Variants in GRB2 observed in about 807,000 individuals in gnomAD.
The protein encoded by GRB2 is growth factor receptor bound protein 2, also known as growth factor receptor-bound protein 2.
GRB2 carries 2 observed loss-of-function variants against 27.4 expected under a neutral mutation model. That is an observed-to-expected ratio of 0.07 (90% confidence interval 0.03 to 0.23). The LOEUF (loss-of-function observed/expected upper bound fraction) is 0.23, where lower values mean the gene tolerates loss of function less well. GRB2 is among the 10% of genes least tolerant of loss of function. The pLI, the probability that GRB2 is intolerant of heterozygous loss-of-function variation, is 1.00. For missense variants in GRB2, 102 were observed against 282.4 expected (o/e 0.36, Z 4.58); for synonymous variants, 94 against 99.6 (o/e 0.94, Z 0.33).
rs891960870 is a variant in GRB2, at chr17:75,320,870, G to T, written c.469-317C>A. 1.3e-5 allele frequency among the ~76,000 whole-genome samples: 2 copies of T among 152,168 alleles called. No individual in the cohort carries two copies. Among genetic ancestry groups the T allele is most frequent in the Non-Finnish European group, 2.9e-5 (2 of 68,038 alleles). On this transcript the variant is annotated intron_variant, in intron 5 of 5. Transcript: ENST00000316804. This position sits in a 1 kb window ranked among gnomAD's most constrained non-coding sequence, Gnocchi z 4.3. ...GAAAGTTCTTCAGAAACAGCCATCT[G>T]TGTTTAGGCCGTGGGCCCAGAATCG...
At chr17:75,352,060 T>G (rs1294513996) in intron 2 of GRB2, among the ~76,000 whole-genome samples, 1 of 152,236 alleles carries the variant, frequency 6.6e-6, no homozygotes, top group Non-Finnish European at 1.5e-5. Flanking sequence ...AATATAACTA[T>G]TGTTAACAGG....
intron 3 of GRB2, among the ~76,000 whole-genome samples, chr17:75,331,474 G>A (rs978591104): frequency 2.6e-5 from 4 of 152,130 alleles, no homozygotes; most frequent in South Asian, 2.1e-4. Context: ...TGTGTCACCC[G>A]AAACACTGAA....
chr17:75,344,120 G>A lies in GRB2; in HGVS notation c.79-11323C>T, dbSNP rs541668968. Among the ~76,000 whole-genome samples, 5 of 152,224 alleles carry A rather than the reference G, an allele frequency of 3.3e-5. No individual in the cohort carries two copies. The South Asian group carries it at 1.0e-3, about 32-fold the overall frequency. The stretch of plus-strand genomic sequence containing the variant: ...AAACATCTGACTTCCAAACACCAAA[G>A]ACGATGACTTAACTCCAGGTTAGGG... On this transcript the variant is annotated intron_variant, in intron 2 of 5. Transcript: ENST00000316804.
At chr17:75,382,833 T>C (rs1598250075) in intron 2 of GRB2, among the ~76,000 whole-genome samples, 1 of 152,102 alleles carries the variant, frequency 6.6e-6, no homozygotes, top group Non-Finnish European at 1.5e-5. Context: ...CTCAGCCTCC[T>C]GAGTAGCTGG....
At chr17:75,338,928 T>C in intron 2 of GRB2, 1 of 1,007,260 alleles carries the variant, frequency 9.9e-7, no homozygotes, top group Non-Finnish European at 1.6e-6. Flanking sequence ...ATTCTCTGTA[T>C]GCCCAGGGAA....
chr17:75,370,453 A>T (rs1446510675), intron 2 of GRB2, among the ~76,000 whole-genome samples: 1 of 152,222 alleles, frequency 6.6e-6, no homozygotes, highest in Non-Finnish European at 1.5e-5. Context: ...AGGCTGGTAC[A>T]GCTATGTTTG....
At chr17:75,337,549 A>C (rs1307129871) in intron 2 of GRB2, among the ~76,000 whole-genome samples, 1 of 149,602 alleles carries the variant, frequency 6.7e-6, no homozygotes, top group African/African-American at 2.4e-5. Context: ...TTCACAAATA[A>C]TTTTTATTTT....
At chr17:75,396,340 T>G (rs1051118674) in intron 1 of GRB2, among the ~76,000 whole-genome samples, 2 of 152,064 alleles carry the variant, frequency 1.3e-5, no homozygotes, top group African/African-American at 4.8e-5. Flanking sequence ...TCTCCTTGGC[T>G]CAAGTAATCC....
At chr17:75,400,811 C>A (rs1047027766) in intron 1 of GRB2, among the ~76,000 whole-genome samples, 2 of 152,132 alleles carry the variant, frequency 1.3e-5, no homozygotes, top group Non-Finnish European at 2.9e-5. Flanking sequence ...CTGACCAATA[C>A]ATACTCTTGA....
chr17:75,382,899 G>A (rs1197993494), intron 2 of GRB2, among the ~76,000 whole-genome samples: 2 of 152,010 alleles, frequency 1.3e-5, no homozygotes, highest in African/African-American at 4.8e-5. Context: ...TAGTAGAGAC[G>A]GGGTTATCAC....
chr17:75,384,700 T>A (rs1242974358), intron 2 of GRB2, among the ~76,000 whole-genome samples: 1 of 151,736 alleles, frequency 6.6e-6, no homozygotes, highest in Non-Finnish European at 1.5e-5. Context: ...ATAAAATAAA[T>A]AATAAAACTG....
At chr17:75,392,456 G>C (rs575588621) in intron 2 of GRB2, among the ~76,000 whole-genome samples, 1 of 152,102 alleles carries the variant, frequency 6.6e-6, no homozygotes, top group South Asian at 2.1e-4. Context: ...TGGGCAATGA[G>C]GGCAAAATAA....
At chr17:75,374,463 C>T (rs1468596917) in intron 2 of GRB2, among the ~76,000 whole-genome samples, 1 of 150,346 alleles carries the variant, frequency 6.7e-6, no homozygotes, top group Non-Finnish European at 1.5e-5. Flanking sequence ...GGCACAGTAG[C>T]TGACACCTGT....
chr17:75,320,583 T>C lies in GRB2; in HGVS notation c.469-30A>G, dbSNP rs929840950. The C allele has an allele frequency of 3.8e-6, 6 of 1,589,384 alleles. No homozygotes were observed. In the African/African-American group the frequency reaches 8.1e-5, roughly 21 times the overall value. On this transcript the variant is annotated intron_variant, in intron 5 of 5. Coordinates refer to ENST00000316804, the MANE Select transcript of GRB2 (RefSeq NM_002086.5). The surrounding 1 kb of genome is among the most constrained non-coding windows in gnomAD (Gnocchi z 4.3). Reference sequence around the variant, plus strand: ...AAAACAGGAGCAGGAAAAACCCACATTGCATTCCTGGTCTGTGACTGGCCA... The same window carrying C: ...AAAACAGGAGCAGGAAAAACCCACACTGCATTCCTGGTCTGTGACTGGCCA...
chr17:75,372,770 G>A (rs2078864204), intron 2 of GRB2: 1 of 152,174 alleles, frequency 6.6e-6, no homozygotes, highest in African/African-American at 2.4e-5. Context: ...GTACTCAACA[G>A]TGCAGCTTAG....
intron 1 of GRB2, among the ~76,000 whole-genome samples, chr17:75,399,532 T>G (rs748262420): frequency 1.3e-5 from 2 of 151,380 alleles, no homozygotes; most frequent in Admixed American, 1.3e-4. Context: ...CACGACTGAC[T>G]AACTTTTGTA....
At chr17:75,338,254 G>A (rs546194988) in intron 2 of GRB2, among the ~76,000 whole-genome samples, 6 of 152,084 alleles carry the variant, frequency 3.9e-5, no homozygotes, top group African/African-American at 1.4e-4. Flanking sequence ...TCATAGAGAC[G>A]GGGTTTCACC....
chr17:75,387,091 G>A (rs1289032532), intron 2 of GRB2, among the ~76,000 whole-genome samples: 4 of 151,732 alleles, frequency 2.6e-5, no homozygotes, highest in Non-Finnish European at 5.9e-5. Flanking sequence ...AACCCAGGAG[G>A]CGGAGCTTGC....
intron 2 of GRB2, among the ~76,000 whole-genome samples, chr17:75,342,755 T>C (rs2078629540): frequency 1.3e-5 from 2 of 152,060 alleles, no homozygotes; most frequent in Admixed American, 6.6e-5. Context: ...CCTACTTCTT[T>C]GTCTAAGTAG....
Sources: gnomAD v4.1 joint callset for allele counts (sites outside exome capture counted in the v4.1 genomes callset) on GRCh38, gnomAD v4.1.1 for gene constraint, Gnocchi (gnomAD v3.1) non-coding constraint, MANE v1.5 for transcripts, NCBI Gene and HGNC (gene_info 2026-07-23, HGNC 2026-07-21) for gene names.